The following ADAMTSL3 variants were observed in gnomAD, a reference collection of about 807,000 sequenced individuals.
ADAMTSL3 encodes the protein ADAMTS-like protein 3.
A neutral mutation model predicts 201.7 loss-of-function variants in ADAMTSL3; 128 were observed. That is an observed-to-expected ratio of 0.63 (90% CI 0.55 to 0.73). The LOEUF (loss-of-function observed/expected upper bound fraction) is 0.73. Ranked by LOEUF, ADAMTSL3 falls within the 30% of genes least tolerant of loss-of-function variation. The probability of loss-of-function intolerance (pLI) is 0.00; values close to 1 mark genes in which losing one functional copy is unlikely to be tolerated. For missense variants in ADAMTSL3, 1,990 were observed against 2,119.6 expected (o/e 0.94, Z 1.20); for synonymous variants, 738 against 748.4 (o/e 0.99, Z 0.23).
At chr15:83,659,435 C>G (rs1331260198) in intron 2 of ADAMTSL3, among the ~76,000 whole-genome samples, 1 of 152,130 alleles carries the variant, frequency 6.6e-6, no homozygotes, top group African/African-American at 2.4e-5. Context: ...TTTTCTGATC[C>G]TGAGGCTGGA....
At chr15:83,954,253 T>C (rs2066811739) in intron 19 of ADAMTSL3, among the ~76,000 whole-genome samples, 1 of 152,226 alleles carries the variant, frequency 6.6e-6, no homozygotes, top group South Asian at 2.1e-4. Flanking sequence ...TCTAACTGTA[T>C]TTTAAAATAC....
intron 9 of ADAMTSL3, among the ~76,000 whole-genome samples, chr15:83,875,960 A>ATCT (rs2065170170): frequency 2.0e-5 from 3 of 152,264 alleles, no homozygotes; most frequent in Admixed American, 2.0e-4. Context: ...TCTGTAACAC[A>ATCT]TCTGGCTTAA....
In ADAMTSL3 at chr15:84,021,579, G is replaced by C; in HGVS notation, c.4443G>C (p.Arg1481=). The change falls in exon 26 of 30, where the codon CGG becomes CGC. Residue 1481 remains arginine, a synonymous_variant. Transcript: ENST00000286744. The stretch of plus-strand genomic sequence containing the variant: ...CTGGGTTTGAGCCCTGTAACATCCG[G>C]GACTGCCCAGCGAGGTAAGTGAAGT... ...PLAGFEPCNI[R]DCPARWFTSV... is the part of the protein sequence containing the mutation. The C allele has an allele frequency of 4.3e-6, 7 of 1,613,922 alleles. No individual in the cohort carries two copies. The highest frequency in any genetic ancestry group is 5.1e-6 in the Non-Finnish European group (6 of 1,179,956).
intron 19 of ADAMTSL3, among the ~76,000 whole-genome samples, chr15:83,948,019 C>T (rs1016785768): frequency 1.3e-5 from 2 of 152,138 alleles, no homozygotes; most frequent in East Asian, 1.9e-4. Context: ...TATTGTTATT[C>T]GTATCTGCCA....
At chr15:83,986,358 G>T (rs1008214273) in intron 21 of ADAMTSL3, among the ~76,000 whole-genome samples, 2 of 152,102 alleles carry the variant, frequency 1.3e-5, no homozygotes, top group African/African-American at 4.8e-5. Flanking sequence ...TAAATAGATT[G>T]ACTTGATGGA....
intron 2 of ADAMTSL3, among the ~76,000 whole-genome samples, chr15:83,664,294 G>T (rs1315706179): frequency 1.3e-5 from 2 of 150,102 alleles, no homozygotes; most frequent in African/African-American, 4.9e-5. Flanking sequence ...TTAACTCAAG[G>T]TTCCCTCCAA....
At chr15:83,716,225 G>A (rs980270587) in intron 3 of ADAMTSL3, among the ~76,000 whole-genome samples, 48 of 152,022 alleles carry the variant, frequency 3.2e-4, no homozygotes, top group African/African-American at 1.1e-3. Flanking sequence ...TTCTTAGGCC[G>A]GGCACGGTAG....
At chr15:83,866,329 A>G (rs1259536467) in intron 8 of ADAMTSL3, among the ~76,000 whole-genome samples, 6 of 152,254 alleles carry the variant, frequency 3.9e-5, no homozygotes, top group Admixed American at 1.3e-4. Flanking sequence ...TTGTGGCACT[A>G]TTCACAAAAG....
At chr15:83,681,530 A>G (rs2061475499) in intron 2 of ADAMTSL3, among the ~76,000 whole-genome samples, 1 of 152,202 alleles carries the variant, frequency 6.6e-6, no homozygotes, top group Non-Finnish European at 1.5e-5. Context: ...GTGATCAAGA[A>G]TGGATTCGGG....
At chr15:83,700,160 T>C (rs2061751514) in intron 2 of ADAMTSL3, among the ~76,000 whole-genome samples, 1 of 152,178 alleles carries the variant, frequency 6.6e-6, no homozygotes, top group Admixed American at 6.5e-5. Context: ...GAAGGTCCAC[T>C]ATATGCGGGA....
intron 6 of ADAMTSL3, among the ~76,000 whole-genome samples, chr15:83,833,406 G>A (rs2064196612): frequency 6.6e-6 from 1 of 151,924 alleles, no homozygotes; most frequent in Admixed American, 6.6e-5. Context: ...TTTTATAAGG[G>A]TACTAATCCT....
intron 24 of ADAMTSL3, 98 bp downstream of exon 24, chr15:84,014,822 A>G: frequency 8.1e-7 from 1 of 1,234,382 alleles, no homozygotes; most frequent in Non-Finnish European, 1.1e-6. Context: ...AACGAGATGG[A>G]CATCAGATGG....
intron 3 of ADAMTSL3, among the ~76,000 whole-genome samples, chr15:83,743,138 A>G (rs2062483254): frequency 6.6e-6 from 1 of 152,194 alleles, no homozygotes; most frequent in Non-Finnish European, 1.5e-5. Flanking sequence ...CTGTGACCTC[A>G]TCATCCCATT....
chr15:83,691,970 A>C (rs2061614598), intron 2 of ADAMTSL3, among the ~76,000 whole-genome samples: 1 of 152,238 alleles, frequency 6.6e-6, no homozygotes, highest in African/African-American at 2.4e-5. Flanking sequence ...TGTTTTAAGC[A>C]ACCAAAAGAA....
intron 10 of ADAMTSL3, among the ~76,000 whole-genome samples, 190 bp downstream of exon 10, chr15:83,885,402 G>A (rs1262109278): frequency 1.3e-5 from 2 of 151,434 alleles, no homozygotes; most frequent in Non-Finnish European, 2.9e-5. Context: ...TTGAAGACAG[G>A]TGCAAAACTG....
intron 2 of ADAMTSL3, among the ~76,000 whole-genome samples, chr15:83,661,404 C>CT (rs1414756640): frequency 6.6e-6 from 1 of 151,712 alleles, no homozygotes; most frequent in Non-Finnish European, 1.5e-5. Context: ...TTGATTCTTC[C>CT]TACCCATGAG....
intron 23 of ADAMTSL3, among the ~76,000 whole-genome samples, chr15:83,991,492 A>G (rs570379533): frequency 2.6e-5 from 4 of 152,322 alleles, no homozygotes; most frequent in Non-Finnish European, 5.9e-5. Flanking sequence ...TGGCAAGACC[A>G]GAACACTCTG....
chr15:83,801,357 A>T (rs1459836204), intron 4 of ADAMTSL3, among the ~76,000 whole-genome samples: 4 of 151,772 alleles, frequency 2.6e-5, no homozygotes, highest in Admixed American at 2.6e-4. Flanking sequence ...CTAATTAGGG[A>T]TTGTACCACC....
intron 23 of ADAMTSL3, among the ~76,000 whole-genome samples, chr15:83,994,948 T>C (rs1258443179): frequency 1.3e-5 from 2 of 151,836 alleles, no homozygotes; most frequent in Non-Finnish European, 2.9e-5. Flanking sequence ...GTTGTCAACA[T>C]ATGTGGAAGG....
Sources: allele counts gnomAD v4.1 joint callset (sites outside exome capture counted in the v4.1 genomes callset), GRCh38; gene constraint gnomAD v4.1.1; transcripts MANE v1.5; gene names NCBI Gene and HGNC (gene_info 2026-07-23, HGNC 2026-07-21).